The following RANBP2 variants were observed in gnomAD, a reference collection of about 807,000 sequenced individuals.
RANBP2 encodes E3 SUMO-protein ligase RanBP2.
In RANBP2, 57 loss-of-function variants were observed where a neutral mutation model predicts 303.6. The observed-to-expected ratio is 0.19, with a 90% CI of 0.15 to 0.23. The LOEUF (loss-of-function observed/expected upper bound fraction) is 0.23. Ranked by LOEUF, RANBP2 falls within the 10% of genes least tolerant of loss-of-function variation. The pLI, the probability that RANBP2 is intolerant of heterozygous loss-of-function variation, is 1.00. For synonymous variants in RANBP2, 1,167 were observed against 1,301.5 expected, an observed-to-expected ratio of 0.90 and a Z score of 2.23; for missense variants, 3,138 against 3,780.8, an observed-to-expected ratio of 0.83 and a Z score of 4.46.
At chr2:109,691,054 G>A in the RANBP2 span, among the ~76,000 whole-genome samples, 46 of 152,162 alleles carry the variant, frequency 3.0e-4, no homozygotes, top group Non-Finnish European at 6.2e-4. Flanking sequence ...CTGCAAGGCA[G>A]GTTCTTTACA....
chr2:109,743,875 A>G, the RANBP2 span, among the ~76,000 whole-genome samples: 2 of 93,616 alleles, frequency 2.1e-5, 1 homozygote, highest in Non-Finnish European at 5.7e-5. Context: ...AACATGTGGC[A>G]GTAGATTTTC....
intron 21 of RANBP2, 40 bp from the exon 22 acceptor site, chr2:108,772,449 A>C (rs752792761): frequency 6.3e-7 from 1 of 1,576,236 alleles, no homozygotes; most frequent in Non-Finnish European, 8.7e-7. Context: ...AAAACCCCCC[A>C]AAATTAACTA....
At chr2:108,786,658 A>T (rs116162699), downstream of RANBP2, 2,669 of 637,392 alleles carry the variant, frequency 4.2e-3, 49 homozygotes, top group African/African-American at 0.047. Context: ...GGACGCGCTG[A>T]CAAGCCGGGC....
chr2:109,129,856 G>A, the RANBP2 span: 3 of 1,527,812 alleles, frequency 2.0e-6, no homozygotes, highest in South Asian at 2.4e-5. Flanking sequence ...CTGCGGCGTG[G>A]ACGAACTGCC....
chr2:109,419,485 C>G, the RANBP2 span: 1 of 1,526,984 alleles, frequency 6.5e-7, no homozygotes, highest in Non-Finnish European at 8.9e-7. Context: ...TTTTCTCTTT[C>G]CCTTGGATGG....
chr2:109,733,796 C>T, the RANBP2 span, among the ~76,000 whole-genome samples: 1 of 150,894 alleles, frequency 6.6e-6, no homozygotes, highest in Non-Finnish European at 1.5e-5. Flanking sequence ...TGCTTGAACC[C>T]GAGAAACCGA....
intron 28 of RANBP2, 115 bp from the exon 29 acceptor site, chr2:108,783,480 TG>T: frequency 1.4e-6 from 1 of 702,460 alleles, no homozygotes; most frequent in Non-Finnish European, 2.3e-6. Context: ...TCAGGAAAGC[TG>T]GGCTTTAGGA....
chr2:109,140,500 C>T, the RANBP2 span, among the ~76,000 whole-genome samples: 2 of 152,116 alleles, frequency 1.3e-5, no homozygotes, highest in Admixed American at 6.5e-5. Context: ...CCTGTCTCAG[C>T]CTCCCGAGTA....
the RANBP2 span, among the ~76,000 whole-genome samples, chr2:109,369,789 G>C: frequency 1.3e-5 from 2 of 152,106 alleles, no homozygotes; most frequent in African/African-American, 4.8e-5. Context: ...AAACCCTACG[G>C]CCCCCTCCGC....
the RANBP2 span, among the ~76,000 whole-genome samples, chr2:109,020,634 G>T: frequency 6.6e-6 from 1 of 152,186 alleles, no homozygotes; most frequent in Non-Finnish European, 1.5e-5. Flanking sequence ...TAACAATGAG[G>T]ACTTGGTAGA....
the RANBP2 span, among the ~76,000 whole-genome samples, chr2:109,324,890 C>T: frequency 1.3e-5 from 2 of 152,194 alleles, no homozygotes; most frequent in Non-Finnish European, 1.5e-5. Flanking sequence ...CTGGAAGGAA[C>T]GGTGGAGCTG....
chr2:108,972,037 G>T, the RANBP2 span, among the ~76,000 whole-genome samples: 2 of 152,322 alleles, frequency 1.3e-5, no homozygotes, highest in African/African-American at 2.4e-5. Context: ...GGGTCCTCCA[G>T]CCTGGCCTGG....
the RANBP2 span, among the ~76,000 whole-genome samples, chr2:109,743,516 T>A: frequency 2.1e-5 from 3 of 145,326 alleles, no homozygotes; most frequent in Non-Finnish European, 4.5e-5. Flanking sequence ...AAGATACTAT[T>A]AAGAGAATGA....
At chr2:109,021,644 A>G in the RANBP2 span, among the ~76,000 whole-genome samples, 4 of 151,792 alleles carry the variant, frequency 2.6e-5, no homozygotes, top group Admixed American at 6.6e-5. Flanking sequence ...AGGTATGGGC[A>G]TCGACAGACG....
the RANBP2 span, among the ~76,000 whole-genome samples, chr2:109,733,701 G>T: frequency 6.6e-6 from 1 of 151,500 alleles, no homozygotes; most frequent in African/African-American, 2.4e-5. Context: ...AAAAATACAC[G>T]AAAAAACAAA....
chr2:109,576,956 C>T, the RANBP2 span, among the ~76,000 whole-genome samples: 11 of 152,182 alleles, frequency 7.2e-5, no homozygotes, highest in African/African-American at 9.6e-5. Context: ...AAAGAACTGA[C>T]GGACACACTA....
At chr2:109,615,848 C>G in the RANBP2 span, 9 of 1,613,940 alleles carry the variant, frequency 5.6e-6, no homozygotes, top group Non-Finnish European at 7.6e-6. Context: ...GAGGCAAAGC[C>G]AAGGATCCAG....
chr2:109,477,628 G>A, the RANBP2 span, among the ~76,000 whole-genome samples: 1,978 of 152,198 alleles, frequency 0.013, 50 homozygotes, highest in African/African-American at 0.046. Flanking sequence ...GTGTGTGTGT[G>A]TGTGTGTGTG....
the RANBP2 span, among the ~76,000 whole-genome samples, chr2:109,062,857 G>A: frequency 7.9e-5 from 12 of 151,864 alleles, no homozygotes; most frequent in East Asian, 5.9e-4. Context: ...CCCTGGGAGC[G>A]GGTGGAGGTG....
Sources: allele counts gnomAD v4.1 joint callset (sites outside exome capture counted in the v4.1 genomes callset), GRCh38; gene constraint gnomAD v4.1.1; transcripts MANE v1.5; gene names NCBI Gene and HGNC (gene_info 2026-07-23, HGNC 2026-07-21).